The following LRP1B variants were observed in gnomAD, a reference collection of about 807,000 sequenced individuals.
LRP1B encodes low-density lipoprotein receptor-related protein 1B.
A neutral mutation model predicts 556.6 loss-of-function variants in LRP1B; 217 were observed. That is an observed-to-expected ratio of 0.39 (90% CI 0.35 to 0.44). The LOEUF (loss-of-function observed/expected upper bound fraction) is 0.44. LRP1B is among the 20% of genes least tolerant of loss of function. LRP1B has a pLI of 1.00. For missense variants in LRP1B, 5,053 were observed against 5,620.8 expected (o/e 0.90, Z 3.23); for synonymous variants, 2,047 against 1,865.8 (o/e 1.10, Z -2.50).
intron 1 of LRP1B, among the ~76,000 whole-genome samples, chr2:142,058,282 C>T (rs898566707): frequency 1.3e-5 from 2 of 152,070 alleles, no homozygotes; most frequent in African/African-American, 2.4e-5. Context: ...GTGGTATATA[C>T]CATGATATAA....
intron 66 of LRP1B, among the ~76,000 whole-genome samples, chr2:140,404,908 C>G (rs1483658856): frequency 6.6e-6 from 1 of 152,164 alleles, no homozygotes; most frequent in African/African-American, 2.4e-5. Flanking sequence ...TGCTACCCAA[C>G]AACTGGAGAA....
chr2:140,939,472 T>C (rs1030524376), intron 20 of LRP1B, among the ~76,000 whole-genome samples: 1 of 148,426 alleles, frequency 6.7e-6, no homozygotes, highest in Non-Finnish European at 1.5e-5. Flanking sequence ...ATTTATAACA[T>C]TTATAAATAT....
chr2:140,627,438 G>A (rs1312906714), intron 41 of LRP1B, among the ~76,000 whole-genome samples: 1 of 152,046 alleles, frequency 6.6e-6, no homozygotes, highest in African/African-American at 2.4e-5. Context: ...CTCGAACATC[G>A]GTCTCCAAGT....
intron 2 of LRP1B, among the ~76,000 whole-genome samples, chr2:141,664,882 A>G (rs940522949): frequency 6.6e-6 from 1 of 152,216 alleles, no homozygotes; most frequent in African/African-American, 2.4e-5. Flanking sequence ...GAACCAAAAA[A>G]GAGCCTGTCT....
At chr2:140,321,022 C>T (rs907211269) in intron 82 of LRP1B, among the ~76,000 whole-genome samples, 13 of 152,240 alleles carry the variant, frequency 8.5e-5, no homozygotes, top group African/African-American at 2.9e-4. Flanking sequence ...TGCCACTGCA[C>T]TCCAGCCTGG....
At chr2:141,798,139 C>G (rs1695882801) in intron 2 of LRP1B, among the ~76,000 whole-genome samples, 1 of 152,058 alleles carries the variant, frequency 6.6e-6, no homozygotes, top group Admixed American at 6.6e-5. Context: ...ATCATGTCTG[C>G]ATGTATTAAA....
chr2:140,599,251 A>C (rs1485046924), intron 42 of LRP1B, among the ~76,000 whole-genome samples: 1 of 152,102 alleles, frequency 6.6e-6, no homozygotes. Flanking sequence ...TATTTGCTTC[A>C]ATTGATGAAA....
At chr2:140,713,173 G>A (rs901775568) in intron 37 of LRP1B, among the ~76,000 whole-genome samples, 2 of 151,906 alleles carry the variant, frequency 1.3e-5, no homozygotes, top group African/African-American at 2.4e-5. Context: ...AAACTTGGCT[G>A]TCTCAGAAAG....
intron 3 of LRP1B, among the ~76,000 whole-genome samples, chr2:141,333,941 T>C (rs1160022565): frequency 3.3e-5 from 5 of 152,190 alleles, no homozygotes; most frequent in African/African-American, 1.2e-4. Flanking sequence ...ACATTCCTGA[T>C]CTCCTTTTTA....
At chr2:141,936,076 A>G (rs572107841) in intron 1 of LRP1B, among the ~76,000 whole-genome samples, 1 of 152,338 alleles carries the variant, frequency 6.6e-6, no homozygotes, top group South Asian at 2.1e-4. Context: ...AATTTCTCTA[A>G]ACAGATAAAA....
intron 2 of LRP1B, among the ~76,000 whole-genome samples, chr2:141,652,537 G>T (rs979726575): frequency 2.0e-5 from 3 of 152,136 alleles, no homozygotes; most frequent in African/African-American, 7.2e-5. Context: ...TGATGGGTAG[G>T]CTTCATACTA....
At chr2:140,655,894 G>T (rs1004886430) in intron 41 of LRP1B, among the ~76,000 whole-genome samples, 1 of 150,640 alleles carries the variant, frequency 6.6e-6, no homozygotes, top group Non-Finnish European at 1.5e-5. Flanking sequence ...AGTGAGACGA[G>T]ATCCCGCCAC....
intron 7 of LRP1B, among the ~76,000 whole-genome samples, chr2:141,076,669 A>G (rs1383745520): frequency 6.6e-6 from 1 of 152,206 alleles, no homozygotes; most frequent in Non-Finnish European, 1.5e-5. Context: ...ATAGCAAAAT[A>G]TTAGAAACAT....
intron 3 of LRP1B, among the ~76,000 whole-genome samples, chr2:141,332,235 T>A (rs1337440059): frequency 6.6e-6 from 1 of 152,154 alleles, no homozygotes; most frequent in African/African-American, 2.4e-5. Flanking sequence ...ATTAATTTAC[T>A]TTTCTGAATC....
chr2:141,061,023 T>A (rs1699320014), intron 8 of LRP1B, among the ~76,000 whole-genome samples: 1 of 151,786 alleles, frequency 6.6e-6, no homozygotes, highest in African/African-American at 2.4e-5. Flanking sequence ...TTTAATTTTT[T>A]AATTGCAAAT....
At chr2:141,820,197 A>T (rs942062081) in intron 1 of LRP1B, among the ~76,000 whole-genome samples, 2 of 152,224 alleles carry the variant, frequency 1.3e-5, no homozygotes, top group African/African-American at 4.8e-5. Context: ...CTTTTACAAT[A>T]GCTGGCATGC....
intron 59 of LRP1B, among the ~76,000 whole-genome samples, chr2:140,483,613 C>CATATAT (rs1457200554): frequency 1.3e-5 from 1 of 79,736 alleles, no homozygotes; most frequent in Non-Finnish European, 2.4e-5. Context: ...CACACACACA[C>CATATAT]ACATATATAT....
intron 20 of LRP1B, among the ~76,000 whole-genome samples, chr2:140,943,246 T>C (rs1018959120): frequency 1.3e-5 from 2 of 152,172 alleles, no homozygotes; most frequent in East Asian, 1.9e-4. Context: ...TTCCTAAATA[T>C]ACATGCACCC....
At chr2:141,226,667 T>C (rs1683261332) in intron 6 of LRP1B, among the ~76,000 whole-genome samples, 1 of 152,178 alleles carries the variant, frequency 6.6e-6, no homozygotes, top group African/African-American at 2.4e-5. Context: ...TTATTTTTGC[T>C]TATATGGTAT....
Sources: allele counts gnomAD v4.1 joint callset (sites outside exome capture counted in the v4.1 genomes callset), GRCh38; gene constraint gnomAD v4.1.1; transcripts MANE v1.5; gene names NCBI Gene and HGNC (gene_info 2026-07-23, HGNC 2026-07-21).